Variants in GRM3 observed in about 807,000 individuals in gnomAD.
GRM3 encodes the protein metabotropic glutamate receptor 3.
A neutral mutation model predicts 70.5 loss-of-function variants in GRM3; 26 were observed. The ratio of observed to expected loss-of-function variants is 0.37; its 90% CI spans 0.27 to 0.51. GRM3 has a LOEUF of 0.51. GRM3 is among the 20% of genes least tolerant of loss of function. GRM3 has a pLI of 0.93. For synonymous variants in GRM3, 443 were observed against 434.9 expected, an observed-to-expected ratio of 1.02 and a Z score of -0.23; for missense variants, 859 against 1,123.8, an observed-to-expected ratio of 0.76 and a Z score of 3.37.
At chr7:86,783,743 C>T (rs1434490171) in intron 2 of GRM3, among the ~76,000 whole-genome samples, 2 of 152,178 alleles carry the variant, frequency 1.3e-5, no homozygotes, top group African/African-American at 4.8e-5. Context: ...TTAAAAGGAG[C>T]AGCTCACTGT....
At chr7:86,772,035 A>G (rs773170854) in intron 2 of GRM3, among the ~76,000 whole-genome samples, 1 of 152,096 alleles carries the variant, frequency 6.6e-6, no homozygotes, top group Admixed American at 6.6e-5. Flanking sequence ...CACTTCATGT[A>G]CATGCCCCTC....
chr7:86,847,561 G>C (rs1798678014), intron 4 of GRM3, among the ~76,000 whole-genome samples: 1 of 152,156 alleles, frequency 6.6e-6, no homozygotes, highest in African/African-American at 2.4e-5. Flanking sequence ...GAAACTCAGT[G>C]GGATGGTGAA....
At chr7:86,776,435 A>C (rs1796893433) in intron 2 of GRM3, among the ~76,000 whole-genome samples, 1 of 152,132 alleles carries the variant, frequency 6.6e-6, no homozygotes, top group Non-Finnish European at 1.5e-5. Flanking sequence ...TTAACAAGAA[A>C]ACAATGAATA....
In GRM3 at chr7:86,839,016, G is replaced by A. The variant is rs146588543; in HGVS notation, c.1502G>A (p.Arg501Gln). The change falls in exon 4 of 6, where the codon CGG becomes CAG. Residue 501 changes from arginine (R) to glutamine (Q), a missense_variant. Coordinates refer to ENST00000361669, the MANE Select transcript of GRM3 (RefSeq NM_000840.3). This position sits in a 1 kb window ranked among gnomAD's most constrained non-coding sequence, Gnocchi z 4.5. ...SLDVNSIHWS[R>Q]NSVPTSQCSD... ...GATGTCAACTCTATCCACTGGTCCC[G>A]GAACTCAGTCCCCACTTCCCAGTGC... 97 of 1,614,054 alleles carry A rather than the reference G, an allele frequency of 6.0e-5. No individual in the cohort carries two copies. Among genetic ancestry groups the A allele is most frequent in the African/African-American group, 2.0e-4 (15 of 75,014 alleles).
At chr7:86,771,734 A>G (rs780684389) in intron 2 of GRM3, among the ~76,000 whole-genome samples, 11 of 152,070 alleles carry the variant, frequency 7.2e-5, no homozygotes, top group Admixed American at 4.6e-4. Flanking sequence ...CTGAGTATCA[A>G]TTGGCAACAT....
Position 86,839,160 on chromosome 7 carries a change from G to A in GRM3, c.1646G>A (p.Cys549Tyr). The A allele has an allele frequency of 6.2e-7, 1 of 1,614,048 alleles. No individual in the cohort carries two copies. The highest frequency in any genetic ancestry group is 8.5e-7 in the Non-Finnish European group (1 of 1,179,888). Residue 549 changes from cysteine (C) to tyrosine (Y), a missense_variant, in exon 4 of 6, where the codon TGT (cysteine) becomes TAT (tyrosine). Coordinates refer to ENST00000361669, the MANE Select transcript of GRM3 (RefSeq NM_000840.3). This position sits in a 1 kb window ranked among gnomAD's most constrained non-coding sequence, Gnocchi z 4.5. ...GCTGATGAGTTTACCTGTATGGATT[G>A]TGGGTCTGGACAGTGGCCCACTGCA... is the stretch of plus-strand genomic sequence containing the variant. ...YLADEFTCMDCGSGQWPTADL... is the reference protein window; with the variant it reads ...YLADEFTCMDYGSGQWPTADL...
chr7:86,839,054 G>T lies in GRM3; in HGVS notation c.1540G>T (p.Ala514Ser). The change falls in exon 4 of 6, where the codon GCC becomes TCC. Residue 514 changes from alanine (A) to serine (S), a missense_variant. Physicochemically the swap from Ala to Ser is moderately conservative, Grantham distance 99 (BLOSUM62 1). Transcript: ENST00000361669. The surrounding 1 kb of genome is among the most constrained non-coding windows in gnomAD (Gnocchi z 4.5). The part of the protein sequence containing the change: ...VPTSQCSDPC[A>S]PNEMKNMQPG... ...CACTTCCCAGTGCAGCGACCCCTGTGCCCCCAATGAAATGAAGAATATGCA... is the reference window on the plus strand; with the variant it reads ...CACTTCCCAGTGCAGCGACCCCTGTTCCCCCAATGAAATGAAGAATATGCA... 1 of 1,613,966 alleles carries T rather than the reference G, an allele frequency of 6.2e-7. No individual in the cohort carries two copies. Among genetic ancestry groups the T allele is most frequent in the Non-Finnish European group, 8.5e-7 (1 of 1,179,856 alleles).
chr7:86,711,354 A>G (rs1795195735), intron 1 of GRM3, among the ~76,000 whole-genome samples: 1 of 152,032 alleles, frequency 6.6e-6, no homozygotes, highest in South Asian at 2.1e-4. Flanking sequence ...ATAAATATGT[A>G]TGCATATATT....
At chr7:86,832,994 C>G in intron 3 of GRM3, 1 of 983,342 alleles carries the variant, frequency 1.0e-6, no homozygotes. Flanking sequence ...TTCCATCTTC[C>G]TGGTTGTTCT....
chr7:86,710,494 G>C (rs1795169261), intron 1 of GRM3, among the ~76,000 whole-genome samples: 1 of 143,196 alleles, frequency 7.0e-6, no homozygotes, highest in Non-Finnish European at 1.5e-5. Context: ...AATAACTATA[G>C]AAGACTGAAG....
rs2299217 is a variant in GRM3, at chr7:86,682,406, T to C, written c.-141+37534T>C. ...TCCAGCTTGTAGGGTTCCAAGTCTA[T>C]GTACCCAGTAAGATAAAAATAAATT... On this transcript the variant is annotated intron_variant, in intron 1 of 5. Transcript: ENST00000361669. Among the ~76,000 whole-genome samples, 603 of 152,286 alleles carry C rather than the reference T, an allele frequency of 4.0e-3. 5 individuals carry two copies. Among genetic ancestry groups the C allele is most frequent in the African/African-American group, 0.014 (571 of 41,564 alleles).
chr7:86,710,862 A>G (rs1795182696), intron 1 of GRM3, among the ~76,000 whole-genome samples: 1 of 152,046 alleles, frequency 6.6e-6, no homozygotes, highest in African/African-American at 2.4e-5. Context: ...GATTGTTATT[A>G]TTATTATCTA....
At chr7:86,783,548 A>G (rs913556783) in intron 2 of GRM3, among the ~76,000 whole-genome samples, 1 of 152,264 alleles carries the variant, frequency 6.6e-6, no homozygotes, top group African/African-American at 2.4e-5. Flanking sequence ...CATACCCAGT[A>G]CATTGGTACT....
In GRM3 at chr7:86,765,128, G is replaced by C; in HGVS notation, c.-18G>C. ...GGCTCCACCATTGATATCTCCCAGA[G>C]GTACAGAAACAGGATTCATGAAGAT... is the stretch of plus-strand genomic sequence containing the variant. On this transcript the variant is annotated 5_prime_UTR_variant, in exon 2 of 6. Transcript: ENST00000361669. 1 of 1,548,928 alleles carries C rather than the reference G, an allele frequency of 6.5e-7. No homozygotes were observed. Among genetic ancestry groups the C allele is most frequent in the Non-Finnish European group, 8.7e-7 (1 of 1,153,166 alleles).
chr7:86,694,911 T>C (rs1288022928), intron 1 of GRM3, among the ~76,000 whole-genome samples: 5 of 152,190 alleles, frequency 3.3e-5, no homozygotes, highest in Non-Finnish European at 1.5e-5. Context: ...TACTTTCATG[T>C]TAATTCTTTT....
chr7:86,675,958 T>A (rs1313110132), intron 1 of GRM3, among the ~76,000 whole-genome samples: 1 of 152,052 alleles, frequency 6.6e-6, no homozygotes, highest in East Asian at 1.9e-4. Flanking sequence ...ATAAGAAAGA[T>A]GTGAGAGATA....
At chr7:86,771,206 T>A (rs1176529699) in intron 2 of GRM3, among the ~76,000 whole-genome samples, 5 of 152,242 alleles carry the variant, frequency 3.3e-5, no homozygotes, top group Middle Eastern at 3.4e-3. Flanking sequence ...CATATATTAG[T>A]ATTTGAACTA....
At chr7:86,767,788 C>T (rs777282873) in intron 2 of GRM3, among the ~76,000 whole-genome samples, 1 of 151,878 alleles carries the variant, frequency 6.6e-6, no homozygotes, top group Non-Finnish European at 1.5e-5. Flanking sequence ...AATTGAGAAA[C>T]TGTGCCCTGC....
intron 1 of GRM3, among the ~76,000 whole-genome samples, chr7:86,657,182 T>C (rs1439171996): frequency 6.6e-6 from 1 of 152,228 alleles, no homozygotes; most frequent in African/African-American, 2.4e-5. Flanking sequence ...AAATCTTTAA[T>C]GAGCATCTGC....
Sources: gnomAD v4.1 joint callset for allele counts (sites outside exome capture counted in the v4.1 genomes callset) on GRCh38, gnomAD v4.1.1 for gene constraint, Gnocchi (gnomAD v3.1) non-coding constraint, MANE v1.5 for transcripts, NCBI Gene and HGNC (gene_info 2026-07-23, HGNC 2026-07-21) for gene names.